The following SHISA9 variants were observed in gnomAD, a reference collection of about 807,000 sequenced individuals.
SHISA9 encodes the protein shisa family member 9, also known as protein shisa-9.
Under a neutral mutation model 38.0 loss-of-function variants are expected in SHISA9, and 13 were observed. The ratio of observed to expected loss-of-function variants is 0.34; its 90% CI spans 0.22 to 0.54. The LOEUF (loss-of-function observed/expected upper bound fraction) is 0.54. Among genes scored for constraint, SHISA9 ranks in the 20% least tolerant of loss-of-function variants. The pLI, the probability that SHISA9 is intolerant of heterozygous loss-of-function variation, is 0.91. For missense variants in SHISA9, 538 were observed against 575.8 expected (o/e 0.93, Z 0.67); for synonymous variants, 275 against 242.0 (o/e 1.14, Z -1.27).
At chr16:13,309,296 C>T in the SHISA9 span, among the ~76,000 whole-genome samples, 3 of 152,172 alleles carry the variant, frequency 2.0e-5, no homozygotes, top group South Asian at 2.1e-4. Flanking sequence ...CCATAGCACA[C>T]GTTTACCCGT....
chr16:13,466,122 A>T, the SHISA9 span, among the ~76,000 whole-genome samples: 1,313 of 152,296 alleles, frequency 8.6e-3, 17 homozygotes, highest in African/African-American at 0.03. Flanking sequence ...CCACAATGTT[A>T]TGTTCTGCTG....
chr16:13,280,419 C>G, the SHISA9 span, among the ~76,000 whole-genome samples: 1 of 151,590 alleles, frequency 6.6e-6, no homozygotes, highest in East Asian at 1.9e-4. Context: ...TATTTTCTGA[C>G]TTGTTCATCG....
chr16:13,395,063 A>G, the SHISA9 span, among the ~76,000 whole-genome samples: 1 of 152,250 alleles, frequency 6.6e-6, no homozygotes, highest in South Asian at 2.1e-4. Flanking sequence ...GATGAGGAAG[A>G]ATGTGGCTTT....
intron 2 of SHISA9, among the ~76,000 whole-genome samples, chr16:12,982,674 G>T (rs1226364856): frequency 6.6e-6 from 1 of 152,156 alleles, no homozygotes; most frequent in Non-Finnish European, 1.5e-5. Context: ...GCTAGACCAG[G>T]TTTAGTTTTT....
chr16:13,456,119 A>T, the SHISA9 span, among the ~76,000 whole-genome samples: 16 of 152,214 alleles, frequency 1.1e-4, no homozygotes, highest in Non-Finnish European at 2.1e-4. Context: ...GCTAAGAAGA[A>T]AATCAAATGG....
chr16:13,187,638 C>A (rs1258061495), intron 2 of SHISA9, among the ~76,000 whole-genome samples: 3 of 152,054 alleles, frequency 2.0e-5, no homozygotes, highest in Admixed American at 2.0e-4. Context: ...CCCAGCCCAT[C>A]TGGGGAACTT....
chr16:12,941,071 G>A (rs1316391845), intron 2 of SHISA9, among the ~76,000 whole-genome samples: 1 of 152,180 alleles, frequency 6.6e-6, no homozygotes, highest in Non-Finnish European at 1.5e-5. Context: ...AAACTTTTTG[G>A]CCAGGTGCAA....
rs1470403708 is a variant in SHISA9, at chr16:13,028,690, C to T, written c.691+111875C>T. On this transcript the variant is annotated intron_variant, in intron 2 of 4. Coordinates refer to ENST00000558583, the MANE Select transcript of SHISA9 (RefSeq NM_001145204.3). ...GACACAGCCAAACCATATCAAAAGC[C>T]TTCAGCAGTTTTGCCCCTCAGCTCA... is the stretch of plus-strand genomic sequence containing the variant. Among the ~76,000 whole-genome samples, 7 of 152,168 alleles carry T rather than the reference C, an allele frequency of 4.6e-5. 1 individual carries two copies. In the South Asian group the frequency reaches 1.2e-3, roughly 27 times the overall value.
At chr16:13,368,877 T>C in the SHISA9 span, among the ~76,000 whole-genome samples, 1 of 152,222 alleles carries the variant, frequency 6.6e-6, no homozygotes, top group Admixed American at 6.5e-5. Flanking sequence ...GTATACAGTG[T>C]ATAAATGAAT....
the SHISA9 span, among the ~76,000 whole-genome samples, chr16:13,357,977 T>C: frequency 8.6e-5 from 13 of 152,008 alleles, no homozygotes; most frequent in African/African-American, 2.9e-4. Flanking sequence ...TGTGATTCTT[T>C]AGTTACTTCA....
chr16:12,906,825 C>T (rs1349949299), intron 1 of SHISA9, among the ~76,000 whole-genome samples: 3 of 152,110 alleles, frequency 2.0e-5, no homozygotes, highest in African/African-American at 7.2e-5. Context: ...AGATATTTGG[C>T]GGCGTCTCTG....
intron 2 of SHISA9, among the ~76,000 whole-genome samples, chr16:13,040,735 GCTT>G (rs908922399): frequency 3.1e-4 from 47 of 152,294 alleles, no homozygotes; most frequent in African/African-American, 1.1e-3. Flanking sequence ...GTAAAGAAAA[GCTT>G]CTTTTCTTTC....
chr16:13,003,306 C>G (rs535963375), intron 2 of SHISA9, among the ~76,000 whole-genome samples: 2 of 152,096 alleles, frequency 1.3e-5, no homozygotes, highest in African/African-American at 4.8e-5. Flanking sequence ...CTATTTTGCT[C>G]CAGGTTATAT....
the SHISA9 span, among the ~76,000 whole-genome samples, chr16:13,282,569 A>G: frequency 6.6e-6 from 1 of 152,102 alleles, no homozygotes; most frequent in Non-Finnish European, 1.5e-5. Flanking sequence ...TCTTAAAAAT[A>G]AATATTTTTT....
At chr16:13,260,007 C>CTCTTTTTTT in the SHISA9 span, among the ~76,000 whole-genome samples, 9 of 60,420 alleles carry the variant, frequency 1.5e-4, no homozygotes, top group Admixed American at 5.6e-4. Flanking sequence ...TTCTTTCTTT[C>CTCTTTTTTT]TTTTTTTTTT....
chr16:13,309,929 C>T, the SHISA9 span, among the ~76,000 whole-genome samples: 1 of 151,898 alleles, frequency 6.6e-6, no homozygotes, highest in South Asian at 2.1e-4. Context: ...CTCTTGTTGC[C>T]CAGGCTGGAG....
the SHISA9 span, among the ~76,000 whole-genome samples, chr16:13,549,402 T>C: frequency 1.3e-5 from 2 of 152,152 alleles, no homozygotes; most frequent in Non-Finnish European, 2.9e-5. Context: ...AATACGGGTA[T>C]TGAAACAGCA....
At chr16:13,288,931 G>A in the SHISA9 span, among the ~76,000 whole-genome samples, 6 of 152,160 alleles carry the variant, frequency 3.9e-5, no homozygotes, top group Non-Finnish European at 8.8e-5. Context: ...TTACATGAAA[G>A]TGAGGGAGTG....
chr16:13,264,980 T>C, the SHISA9 span, among the ~76,000 whole-genome samples: 1 of 140,634 alleles, frequency 7.1e-6, no homozygotes, highest in Non-Finnish European at 1.5e-5. Context: ...TTTCCCCTCC[T>C]CTTTTCCTCC....
Sources: gnomAD v4.1 joint callset for allele counts (sites outside exome capture counted in the v4.1 genomes callset) on GRCh38, gnomAD v4.1.1 for gene constraint, MANE v1.5 for transcripts, NCBI Gene and HGNC (gene_info 2026-07-23, HGNC 2026-07-21) for gene names.